Variants in GRIN2A observed in about 807,000 individuals in gnomAD.
GRIN2A encodes the protein glutamate receptor ionotropic, NMDA 2A.
In GRIN2A, 22 loss-of-function variants were observed where a neutral mutation model predicts 113.4. The ratio of observed to expected loss-of-function variants is 0.19; its 90% CI spans 0.14 to 0.28. GRIN2A has a LOEUF of 0.28. Ranked by LOEUF, GRIN2A falls within the 10% of genes least tolerant of loss-of-function variation. The pLI, the probability that GRIN2A is intolerant of heterozygous loss-of-function variation, is 1.00. For synonymous variants in GRIN2A, 827 were observed against 738.4 expected (o/e 1.12, Z -1.94); for missense variants, 1,502 against 1,887.0 (o/e 0.80, Z 3.78).
At chr16:9,891,125 A>G in intron 3 of GRIN2A, 25 bp from the exon 4 acceptor site, 1 of 1,385,580 alleles carries the variant, frequency 7.2e-7, no homozygotes, top group Non-Finnish European at 1.0e-6. Context: ...AGAGAAAGAC[A>G]AATTTTTAGG....
At chr16:10,078,275 A>T (rs1377810740) in intron 2 of GRIN2A, among the ~76,000 whole-genome samples, 1 of 152,056 alleles carries the variant, frequency 6.6e-6, no homozygotes, top group Non-Finnish European at 1.5e-5. Context: ...ACAGAGCTTT[A>T]CCAGCCAAGT....
intron 2 of GRIN2A, among the ~76,000 whole-genome samples, chr16:9,975,063 G>A (rs2045748499): frequency 6.6e-6 from 1 of 152,012 alleles, no homozygotes; most frequent in Non-Finnish European, 1.5e-5. Flanking sequence ...AATTTTATAG[G>A]AATTAAAGTA....
chr16:10,092,407 A>G (rs2048198847), intron 2 of GRIN2A, among the ~76,000 whole-genome samples: 1 of 152,224 alleles, frequency 6.6e-6, no homozygotes, highest in African/African-American at 2.4e-5. Context: ...TACAGGGGAC[A>G]GCATCACCTC....
chr16:10,055,101 GAAAGAAAAAAGAAAA>G (rs2047433091), intron 2 of GRIN2A, among the ~76,000 whole-genome samples: 1 of 36,454 alleles, frequency 2.7e-5, no homozygotes, highest in Admixed American at 3.4e-4. Context: ...AAGAAAGAAA[GAAAGAAAAAAGAAAA>G]AAAAAACAGT....
rs1462719176 is a variant in GRIN2A, at chr16:9,756,398, C to T, written c.*6751G>A. On this transcript the variant is annotated 3_prime_UTR_variant, in exon 13 of 13. Transcript: ENST00000330684. The stretch of plus-strand genomic sequence containing the variant: ...CCAGAAGTTCTCCATACACACAGAT[C>T]AGGCAATGAGGGGTAAGACCCTAAC... The T allele has an allele frequency of 4.3e-6, 1 of 230,712 alleles. No homozygotes were observed. The highest frequency in any genetic ancestry group is 8.6e-6 in the Non-Finnish European group (1 of 116,492). The allele number at this position is 230,712 out of a possible 1,614,324, so 14.3% of individuals were successfully genotyped here. A position where few individuals can be genotyped will look rare whatever the true frequency, so the allele number is the denominator to read the frequency against.
intron 12 of GRIN2A, 150 bp downstream of exon 12, chr16:9,768,701 T>C (rs924252862): frequency 1.3e-6 from 1 of 758,430 alleles, no homozygotes; most frequent in Non-Finnish European, 2.4e-6. Flanking sequence ...AACACCTGGC[T>C]TATGAATGCA....
intron 2 of GRIN2A, among the ~76,000 whole-genome samples, chr16:10,065,575 C>G (rs144912665): frequency 9.1e-4 from 138 of 152,330 alleles, no homozygotes; most frequent in African/African-American, 2.8e-3. Flanking sequence ...TTTCTTATCT[C>G]TAAAATAGGG....
chr16:9,959,358 C>T (rs926466193), intron 2 of GRIN2A, among the ~76,000 whole-genome samples: 5 of 152,212 alleles, frequency 3.3e-5, no homozygotes, highest in Non-Finnish European at 5.9e-5. Flanking sequence ...CTGTCTCCTC[C>T]TCCTATTTCT....
rs1900651276 is a variant in GRIN2A at position 9,762,930 on chromosome 16, A to G, written c.*219T>C. The G allele has an allele frequency of 8.3e-6, 5 of 603,018 alleles. No homozygotes were observed. Among genetic ancestry groups the G allele is most frequent in the South Asian group, 4.0e-5 (2 of 49,694 alleles). The allele number at this position is 603,018 out of a possible 1,614,324, so 37.4% of individuals were successfully genotyped here. ...GTTATTTTTGGTTAAGGACTCACCT[A>G]TCTGGTGTCTGCCATGCTCAGCACA... On this transcript the variant is annotated 3_prime_UTR_variant, in exon 13 of 13. Transcript: ENST00000330684.
At chr16:10,088,800 CT>C (rs1344602185) in intron 2 of GRIN2A, among the ~76,000 whole-genome samples, 2 of 152,210 alleles carry the variant, frequency 1.3e-5, no homozygotes, top group African/African-American at 4.8e-5. Context: ...TCCCCATAGC[CT>C]TGTATTCCCA....
At chr16:10,046,583 C>G (rs543395098) in intron 2 of GRIN2A, among the ~76,000 whole-genome samples, 1 of 152,112 alleles carries the variant, frequency 6.6e-6, no homozygotes, top group South Asian at 2.1e-4. Flanking sequence ...CATCCCAATG[C>G]CGTATAGGAT....
chr16:9,827,221 TGGCAGAGAGGAAACA>T (rs912202065), intron 9 of GRIN2A, among the ~76,000 whole-genome samples: 34 of 152,178 alleles, frequency 2.2e-4, no homozygotes, highest in Middle Eastern at 3.4e-3. Flanking sequence ...GGCTGGCGAG[TGGCAGAGAGGAAACA>T]GGCAGAGAGG....
At chr16:9,909,114 A>C (rs996236765) in intron 3 of GRIN2A, among the ~76,000 whole-genome samples, 3 of 152,186 alleles carry the variant, frequency 2.0e-5, no homozygotes, top group African/African-American at 7.2e-5. Flanking sequence ...ATCATGGTGG[A>C]AGGCAAGGAG....
At chr16:9,851,264 G>A (rs1381977703) in intron 4 of GRIN2A, among the ~76,000 whole-genome samples, 1 of 152,168 alleles carries the variant, frequency 6.6e-6, no homozygotes, top group Non-Finnish European at 1.5e-5. Flanking sequence ...TTACAAAATT[G>A]TCCAGCATTG....
intron 2 of GRIN2A, among the ~76,000 whole-genome samples, chr16:10,013,749 TC>T (rs2046553017): frequency 6.6e-6 from 1 of 152,210 alleles, no homozygotes; most frequent in South Asian, 2.1e-4. Context: ...ATCTAAACTC[TC>T]CTTAAAATTA....
chr16:9,943,716 G>C (rs1201689570), intron 2 of GRIN2A, among the ~76,000 whole-genome samples: 3 of 152,188 alleles, frequency 2.0e-5, no homozygotes, highest in Non-Finnish European at 4.4e-5. Context: ...GGTGATGGCA[G>C]CTCAGTCATC....
chr16:9,798,614 A>G (rs1337634706), intron 10 of GRIN2A, 150 bp from the exon 11 acceptor site: 1 of 621,452 alleles, frequency 1.6e-6, no homozygotes, highest in East Asian at 2.7e-5. Flanking sequence ...TCATAAAAGG[A>G]TCTATTTTTA....
chr16:9,970,737 C>T (rs2045654342), intron 2 of GRIN2A: 3 of 965,224 alleles, frequency 3.1e-6, no homozygotes, highest in Admixed American at 6.2e-5. Context: ...AGGCAGAGTC[C>T]CCTACCTTAA....
At chr16:9,955,820 A>C (rs1260454290) in intron 2 of GRIN2A, among the ~76,000 whole-genome samples, 1 of 152,210 alleles carries the variant, frequency 6.6e-6, no homozygotes, top group African/African-American at 2.4e-5. Context: ...TCCCTGTGTC[A>C]CACAGCATCG....
Sources: allele counts gnomAD v4.1 joint callset (sites outside exome capture counted in the v4.1 genomes callset), GRCh38; gene constraint gnomAD v4.1.1; transcripts MANE v1.5; gene names NCBI Gene and HGNC (gene_info 2026-07-23, HGNC 2026-07-21).